Variants in CSMD3 observed in about 807,000 individuals in gnomAD.
CSMD3 encodes the protein CUB and Sushi multiple domains 3.
A neutral mutation model predicts 435.2 loss-of-function variants in CSMD3; 177 were observed. The observed-to-expected ratio is 0.41, with a 90% confidence interval of 0.36 to 0.46. CSMD3 has a LOEUF of 0.46. Ranked by LOEUF, CSMD3 falls within the 20% of genes least tolerant of loss-of-function variation. CSMD3 has a pLI of 0.34. For synonymous variants in CSMD3, 1,656 were observed against 1,520.5 expected, an observed-to-expected ratio of 1.09 and a Z score of -2.07; for missense variants, 4,265 against 4,504.6, an observed-to-expected ratio of 0.95 and a Z score of 1.52.
chr8:112,709,138 A>G (rs761997257), intron 13 of CSMD3, among the ~76,000 whole-genome samples: 3 of 152,092 alleles, frequency 2.0e-5, no homozygotes, highest in Non-Finnish European at 4.4e-5. Context: ...CATGCCAACA[A>G]ACACACACAA....
intron 32 of CSMD3, among the ~76,000 whole-genome samples, chr8:112,459,895 G>T (rs1817271604): frequency 6.6e-6 from 1 of 151,976 alleles, no homozygotes; most frequent in Non-Finnish European, 1.5e-5. Context: ...CTTTCCTTGT[G>T]TTGTTCTTTT....
At chr8:112,708,998 G>A (rs575946757) in intron 13 of CSMD3, among the ~76,000 whole-genome samples, 3 of 151,924 alleles carry the variant, frequency 2.0e-5, no homozygotes, top group South Asian at 2.1e-4. Flanking sequence ...TCTTGACTGC[G>A]TTTAAGTCTC....
chr8:113,042,546 C>G (rs558173900), intron 5 of CSMD3, among the ~76,000 whole-genome samples: 2 of 152,132 alleles, frequency 1.3e-5, no homozygotes, highest in African/African-American at 4.8e-5. Context: ...GTGTATTTAT[C>G]TTATGCTCAG....
intron 4 of CSMD3, among the ~76,000 whole-genome samples, chr8:113,099,303 A>G (rs16884324): frequency 0.096 from 14,611 of 152,076 alleles, 1,065 homozygotes; most frequent in African/African-American, 0.2. Flanking sequence ...CAAAGGAAAC[A>G]TGTATCTTAA....
intron 27 of CSMD3, among the ~76,000 whole-genome samples, chr8:112,535,668 C>A (rs887260095): frequency 2.0e-5 from 3 of 152,044 alleles, no homozygotes; most frequent in African/African-American, 7.2e-5. Context: ...TTGGAAAAAA[C>A]TACTTTAAAG....
chr8:112,954,652 TAGAG>T (rs1010028514), intron 8 of CSMD3, 28 bp downstream of exon 8: 5 of 1,389,798 alleles, frequency 3.6e-6, no homozygotes, highest in Non-Finnish European at 4.1e-6. Flanking sequence ...ACTCTTGCAC[TAGAG>T]AAAGTAACAA....
intron 41 of CSMD3, among the ~76,000 whole-genome samples, 158 bp from the exon 42 acceptor site, chr8:112,341,844 G>A (rs760883654): frequency 6.6e-6 from 1 of 152,206 alleles, no homozygotes; most frequent in East Asian, 1.9e-4. Context: ...GTCTGCCTAG[G>A]ACAGGTAACT....
chr8:113,112,271 G>A (rs2090665630), intron 4 of CSMD3, among the ~76,000 whole-genome samples: 1 of 150,016 alleles, frequency 6.7e-6, no homozygotes, highest in Non-Finnish European at 1.5e-5. Context: ...AAATGAGGTT[G>A]GATACCAAGA....
chr8:112,289,829 G>T (rs1461196983), intron 56 of CSMD3, among the ~76,000 whole-genome samples: 1 of 152,068 alleles, frequency 6.6e-6, no homozygotes, highest in Non-Finnish European at 1.5e-5. Flanking sequence ...ACGTGTGAGA[G>T]TGATGAGTGT....
chr8:113,414,463 C>A (rs2094572874), intron 1 of CSMD3, among the ~76,000 whole-genome samples: 1 of 151,948 alleles, frequency 6.6e-6, no homozygotes, highest in Non-Finnish European at 1.5e-5. Flanking sequence ...AATTATTTTT[C>A]TCCTATGCAC....
Position 112,447,330 on chromosome 8 carries a change from C to T in CSMD3, c.5395+25261G>A, listed in dbSNP as rs189213227. Among the ~76,000 whole-genome samples the T allele has an allele frequency of 8.9e-4, 135 of 152,180 alleles. 2 individuals are homozygous for T. The highest frequency in any genetic ancestry group is 3.1e-3 in the African/African-American group (129 of 41,538). On this transcript the variant is annotated intron_variant, in intron 32 of 70. Coordinates refer to ENST00000297405, the MANE Select transcript of CSMD3 (RefSeq NM_198123.2). ...TAAAATGAAACTCATGTAGCCATTA[C>T]CCAGCTTCAGCAATTTTTAATTCAT... is the stretch of plus-strand genomic sequence containing the variant.
At chr8:113,431,612 C>T (rs901172903) in intron 1 of CSMD3, among the ~76,000 whole-genome samples, 1 of 152,168 alleles carries the variant, frequency 6.6e-6, no homozygotes, top group Non-Finnish European at 1.5e-5. Flanking sequence ...GAGAAACACC[C>T]TTTGGAACAC....
chr8:113,329,285 T>C (rs567617984), intron 1 of CSMD3, among the ~76,000 whole-genome samples: 1 of 151,764 alleles, frequency 6.6e-6, no homozygotes, highest in South Asian at 2.1e-4. Flanking sequence ...AATAACACTA[T>C]TAATGAGAAA....
intron 1 of CSMD3, among the ~76,000 whole-genome samples, chr8:113,420,077 AC>A (rs2094602492): frequency 6.6e-6 from 1 of 152,190 alleles, no homozygotes; most frequent in Admixed American, 6.6e-5. Flanking sequence ...AACATAAAAT[AC>A]AAAAATTATC....
chr8:113,392,943 CTA>C (rs5894146), intron 1 of CSMD3, among the ~76,000 whole-genome samples: 2,223 of 147,254 alleles, frequency 0.015, 48 homozygotes, highest in African/African-American at 0.046. Flanking sequence ...CTGCATGTGT[CTA>C]TATATATATA....
chr8:112,378,358 T>C (rs1347884879), intron 38 of CSMD3, among the ~76,000 whole-genome samples: 1 of 151,842 alleles, frequency 6.6e-6, no homozygotes, highest in African/African-American at 2.4e-5. Context: ...ATCAAAGAGA[T>C]ACCTCCACTC....
At chr8:113,254,275 A>C (rs1336165687) in intron 3 of CSMD3, among the ~76,000 whole-genome samples, 1 of 152,210 alleles carries the variant, frequency 6.6e-6, no homozygotes, top group African/African-American at 2.4e-5. Flanking sequence ...GTTAACAGAA[A>C]GCAGCCTAAA....
At chr8:112,612,462 A>C (rs1269167170) in intron 22 of CSMD3, among the ~76,000 whole-genome samples, 1 of 152,088 alleles carries the variant, frequency 6.6e-6, no homozygotes, top group Non-Finnish European at 1.5e-5. Flanking sequence ...TTTAGGGAAG[A>C]GATTGCAGTA....
At chr8:112,574,222 A>G (rs749737210) in intron 23 of CSMD3, among the ~76,000 whole-genome samples, 2 of 152,140 alleles carry the variant, frequency 1.3e-5, no homozygotes, top group Admixed American at 6.5e-5. Flanking sequence ...ATAAGCTCCC[A>G]CACATCATTC....
Sources: allele counts gnomAD v4.1 joint callset (sites outside exome capture counted in the v4.1 genomes callset), GRCh38; gene constraint gnomAD v4.1.1; transcripts MANE v1.5; gene names NCBI Gene and HGNC (gene_info 2026-07-23, HGNC 2026-07-21).